Variants in TENM2 observed in about 807,000 individuals in gnomAD.
The protein encoded by TENM2 is teneurin transmembrane protein 2, also known as teneurin-2.
TENM2 carries 52 observed loss-of-function variants against 245.2 expected under a neutral mutation model. That is an observed-to-expected ratio of 0.21 (90% confidence interval 0.17 to 0.27). The LOEUF (loss-of-function observed/expected upper bound fraction) is 0.27, where lower values mean the gene tolerates loss of function less well. Among genes scored for constraint, TENM2 ranks in the 10% least tolerant of loss-of-function variants. The pLI, the probability that TENM2 is intolerant of heterozygous loss-of-function variation, is 1.00. For synonymous variants in TENM2, 1,363 were observed against 1,438.9 expected (o/e 0.95, Z 1.19); for missense variants, 3,046 against 3,666.8 (o/e 0.83, Z 4.37).
At chr5:167,486,237 A>G (rs772150479) in intron 2 of TENM2, among the ~76,000 whole-genome samples, 2 of 152,190 alleles carry the variant, frequency 1.3e-5, no homozygotes, top group East Asian at 3.8e-4. Context: ...GGGGATATAA[A>G]TAAAACAATA....
At chr5:167,222,844 A>C in the TENM2 span, among the ~76,000 whole-genome samples, 167 of 152,316 alleles carry the variant, frequency 1.1e-3, no homozygotes, top group South Asian at 0.013. Flanking sequence ...TTTGCAAAAA[A>C]TATGGGAAAT....
chr5:167,127,411 T>G, the TENM2 span, among the ~76,000 whole-genome samples: 1 of 152,154 alleles, frequency 6.6e-6, no homozygotes, highest in Admixed American at 6.6e-5. Context: ...TTTGGAAATT[T>G]TCCTACCCTT....
chr5:167,226,101 A>G, the TENM2 span, among the ~76,000 whole-genome samples: 2 of 151,786 alleles, frequency 1.3e-5, no homozygotes, highest in Non-Finnish European at 3.0e-5. Flanking sequence ...TCTTTTCAAA[A>G]AACTTTTCAC....
intron 2 of TENM2, among the ~76,000 whole-genome samples, chr5:167,444,729 C>T (rs1765063338): frequency 6.6e-6 from 1 of 152,128 alleles, no homozygotes; most frequent in Admixed American, 6.5e-5. Context: ...GAATCTGTGT[C>T]TTTTCTAATC....
At chr5:167,885,900 C>T (rs1481403909) in intron 3 of TENM2, among the ~76,000 whole-genome samples, 1 of 152,182 alleles carries the variant, frequency 6.6e-6, no homozygotes, top group Non-Finnish European at 1.5e-5. Flanking sequence ...ACAGGCTGGC[C>T]TCAAACTCCT....
At chr5:167,764,674 G>A (rs954795618) in intron 2 of TENM2, among the ~76,000 whole-genome samples, 2 of 152,120 alleles carry the variant, frequency 1.3e-5, no homozygotes, top group Non-Finnish European at 2.9e-5. Flanking sequence ...GGGCCGGTGA[G>A]GATTGACTCT....
At chr5:168,194,906 C>T (rs1255893677) in intron 14 of TENM2, among the ~76,000 whole-genome samples, 1 of 152,150 alleles carries the variant, frequency 6.6e-6, no homozygotes, top group African/African-American at 2.4e-5. Flanking sequence ...TCAGGCCAAA[C>T]AAAAGCCAAA....
At chr5:167,489,611 C>G (rs62383310) in intron 2 of TENM2, among the ~76,000 whole-genome samples, 31,126 of 152,078 alleles carry the variant, frequency 0.2, 3,239 homozygotes, top group African/African-American at 0.24. Flanking sequence ...TTCTAAGATA[C>G]TCTACAGTAT....
chr5:167,970,988 CACT>C (rs951482667), intron 4 of TENM2, among the ~76,000 whole-genome samples: 8 of 151,932 alleles, frequency 5.3e-5, no homozygotes, highest in Non-Finnish European at 8.8e-5. Flanking sequence ...TTTTCAGTTT[CACT>C]ACTATTTGCT....
At chr5:167,419,107 A>G (rs1282504413) in intron 2 of TENM2, among the ~76,000 whole-genome samples, 1 of 146,780 alleles carries the variant, frequency 6.8e-6, no homozygotes, top group Non-Finnish European at 1.5e-5. Flanking sequence ...ATACACACAC[A>G]CATGAAAACT....
intron 2 of TENM2, among the ~76,000 whole-genome samples, chr5:167,440,821 C>T (rs1266404687): frequency 1.3e-5 from 2 of 151,932 alleles, no homozygotes; most frequent in Non-Finnish European, 2.9e-5. Context: ...CTACAGTGTG[C>T]TTGGATACTA....
chr5:167,395,986 T>G (rs1762028515), intron 2 of TENM2, among the ~76,000 whole-genome samples: 1 of 152,098 alleles, frequency 6.6e-6, no homozygotes, highest in Non-Finnish European at 1.5e-5. Context: ...TGTGGAGAAA[T>G]CGTAGCTTTT....
At chr5:168,252,625 C>T (rs1326931437) in intron 27 of TENM2, among the ~76,000 whole-genome samples, 3 of 151,798 alleles carry the variant, frequency 2.0e-5, no homozygotes, top group Admixed American at 6.6e-5. Context: ...GGGTGGATCA[C>T]CTGAAGCCAG....
At position 168,090,129 on chromosome 5, in the gene TENM2, G is replaced by A. The variant is rs139251979; in HGVS notation, c.1516-445G>A. On this transcript the variant is annotated intron_variant, in intron 7 of 28. Coordinates refer to ENST00000518659, the Ensembl canonical transcript of TENM2. Reference sequence around the variant, plus strand: ...ATTACATTTTGGAATTCAGAATTTGGAGGATTATGGAAAAGTTATACTTTG... The same window carrying A: ...ATTACATTTTGGAATTCAGAATTTGAAGGATTATGGAAAAGTTATACTTTG... Among the ~76,000 whole-genome samples, 489 of 151,792 alleles carry A rather than the reference G, an allele frequency of 3.2e-3. 2 individuals carry two copies. Among genetic ancestry groups the A allele is most frequent in the African/African-American group, 0.011 (471 of 41,378 alleles).
chr5:167,973,087 T>C (rs1051219024), intron 4 of TENM2, among the ~76,000 whole-genome samples: 8 of 152,228 alleles, frequency 5.3e-5, no homozygotes, highest in Non-Finnish European at 8.8e-5. Context: ...ATGGGGATAT[T>C]ATAAGAATGT....
intron 2 of TENM2, among the ~76,000 whole-genome samples, chr5:167,438,672 T>C (rs979902423): frequency 5.3e-5 from 8 of 152,188 alleles, no homozygotes; most frequent in South Asian, 4.2e-4. Context: ...GCTGGGATTA[T>C]AGGCATGAGC....
intron 2 of TENM2, among the ~76,000 whole-genome samples, chr5:167,482,708 G>C (rs1767832645): frequency 6.6e-6 from 1 of 152,126 alleles, no homozygotes; most frequent in South Asian, 2.1e-4. Flanking sequence ...AAGCCTGGAG[G>C]CTTTAAATCT....
At chr5:167,777,272 T>C (rs919311108) in intron 2 of TENM2, among the ~76,000 whole-genome samples, 7 of 152,248 alleles carry the variant, frequency 4.6e-5, no homozygotes, top group Non-Finnish European at 7.3e-5. Context: ...AATCTCAATG[T>C]TGATAGTGCT....
intron 1 of TENM2, among the ~76,000 whole-genome samples, chr5:167,337,497 G>A (rs2127804657): frequency 6.6e-6 from 1 of 152,310 alleles, no homozygotes; most frequent in South Asian, 2.1e-4. Context: ...TTATAATGAA[G>A]AGGCATAAGT....
Sources: gnomAD v4.1 joint callset for allele counts (sites outside exome capture counted in the v4.1 genomes callset) on GRCh38, gnomAD v4.1.1 for gene constraint, MANE v1.5 for transcripts, NCBI Gene and HGNC (gene_info 2026-07-23, HGNC 2026-07-21) for gene names.